The following THSD7B variants were observed in gnomAD, a reference collection of about 807,000 sequenced individuals.
The protein encoded by THSD7B is thrombospondin type 1 domain containing 7B.
In THSD7B, 138 loss-of-function variants were observed where a neutral mutation model predicts 213.6. The ratio of observed to expected loss-of-function variants is 0.65; its 90% CI spans 0.56 to 0.74. The LOEUF is 0.74. Among genes scored for constraint, THSD7B ranks in the 30% least tolerant of loss-of-function variants. The pLI, the probability that THSD7B is intolerant of heterozygous loss-of-function variation, is 0.00. For missense variants in THSD7B, 1,931 were observed against 1,991.5 expected (o/e 0.97, Z 0.58); for synonymous variants, 742 against 687.0 (o/e 1.08, Z -1.25).
In THSD7B at chr2:136,821,661, G is replaced by T. The variant is rs191694566; in HGVS notation, c.-36+55974G>T. Reference sequence around the variant, plus strand: ...GCCTGGTGCTGGAGTTAGAAGACCAGGAGCTCTGCAAAGTCTCCTTCCGCG... The same window carrying T: ...GCCTGGTGCTGGAGTTAGAAGACCATGAGCTCTGCAAAGTCTCCTTCCGCG... On this transcript the variant is annotated intron_variant, in intron 1 of 27. Transcript: ENST00000409968. Among the ~76,000 whole-genome samples the T allele has an allele frequency of 2.6e-5, 4 of 152,292 alleles. No homozygotes were observed. In the East Asian group the frequency reaches 7.7e-4, roughly 29 times the overall value.
intron 15 of THSD7B, among the ~76,000 whole-genome samples, chr2:137,503,849 A>C (rs1679770138): frequency 6.6e-6 from 1 of 151,822 alleles, no homozygotes; most frequent in African/African-American, 2.4e-5. Flanking sequence ...ACATGGTGAA[A>C]CCCCGTCTCT....
At chr2:137,176,948 AT>A (rs1416666288) in intron 7 of THSD7B, among the ~76,000 whole-genome samples, 2 of 152,160 alleles carry the variant, frequency 1.3e-5, no homozygotes, top group Admixed American at 6.5e-5. Flanking sequence ...ACAGAGTTTC[AT>A]TATGACACAG....
At chr2:137,626,765 A>C (rs1337300573) in intron 20 of THSD7B, among the ~76,000 whole-genome samples, 2 of 152,188 alleles carry the variant, frequency 1.3e-5, no homozygotes, top group East Asian at 1.9e-4. Flanking sequence ...CAGGTATGCT[A>C]TTCTTTTAAG....
intron 27 of THSD7B, among the ~76,000 whole-genome samples, chr2:137,670,246 C>T (rs1683533467): frequency 6.6e-6 from 1 of 152,168 alleles, no homozygotes; most frequent in African/African-American, 2.4e-5. Flanking sequence ...CTTTCTGAAG[C>T]TTAGCTCCAG....
intron 2 of THSD7B, among the ~76,000 whole-genome samples, chr2:136,979,052 CTTAGT>C (rs1384652949): frequency 2.0e-5 from 3 of 152,112 alleles, no homozygotes; most frequent in Admixed American, 1.3e-4. Context: ...ACTTATGAAG[CTTAGT>C]TTGGCCAGAT....
chr2:137,139,529 A>G (rs1177154163), intron 5 of THSD7B, among the ~76,000 whole-genome samples: 2 of 152,178 alleles, frequency 1.3e-5, no homozygotes, highest in Non-Finnish European at 2.9e-5. Context: ...GCCCAATCAA[A>G]GTAGGAACAT....
chr2:137,115,115 A>T lies in THSD7B; in HGVS notation c.1200-9A>T. The stretch of plus-strand genomic sequence containing the variant: ...CTTCTTCTTCTTTTAAATAAACCAA[A>T]CCAAACAGGTATTCCTGGAGAACTT... On this transcript the variant is annotated splice_polypyrimidine_tract_variant and intron_variant, in intron 4 of 27. Transcript: ENST00000409968. The T allele has an allele frequency of 6.2e-7, 1 of 1,613,886 alleles. No individual in the cohort carries two copies. Among genetic ancestry groups the T allele is most frequent in the Non-Finnish European group, 8.5e-7 (1 of 1,179,850 alleles).
chr2:136,906,838 AT>A (rs1684169580), intron 2 of THSD7B, among the ~76,000 whole-genome samples: 2 of 151,950 alleles, frequency 1.3e-5, no homozygotes, highest in African/African-American at 4.8e-5. Context: ...AGAAATAAAA[AT>A]AATGTGAAAA....
At chr2:137,167,903 AAT>A (rs1366977214) in intron 6 of THSD7B, among the ~76,000 whole-genome samples, 1 of 152,198 alleles carries the variant, frequency 6.6e-6, no homozygotes, top group African/African-American at 2.4e-5. Context: ...GCGAAAACAC[AAT>A]ATCCACAGGA....
intron 12 of THSD7B, among the ~76,000 whole-genome samples, chr2:137,317,058 C>G (rs891775954): frequency 6.6e-6 from 1 of 152,146 alleles, no homozygotes; most frequent in Non-Finnish European, 1.5e-5. Context: ...TTCTTATTCA[C>G]AGCATTAAAC....
chr2:136,924,205 C>T lies in THSD7B; in HGVS notation c.139+41888C>T, dbSNP rs1056667794. Among the ~76,000 whole-genome samples, 94 of 152,172 alleles carry T rather than the reference C, an allele frequency of 6.2e-4. 2 individuals carry two copies. Among genetic ancestry groups the T allele is most frequent in the Non-Finnish European group, 1.5e-4 (10 of 68,042 alleles). On this transcript the variant is annotated intron_variant, in intron 2 of 27. Transcript: ENST00000409968. ...CAAGCGATTTTCCTGCCTCAGCCTTCTGAGTAGCTGGGATTACAGGTGCCT... is the reference window on the plus strand; with the variant it reads ...CAAGCGATTTTCCTGCCTCAGCCTTTTGAGTAGCTGGGATTACAGGTGCCT...
intron 12 of THSD7B, among the ~76,000 whole-genome samples, chr2:137,317,945 A>G (rs918260365): frequency 3.3e-5 from 5 of 152,134 alleles, no homozygotes; most frequent in African/African-American, 7.2e-5. Flanking sequence ...AGGGGGGAAG[A>G]AAAAGGATCC....
chr2:137,215,643 ACTC>A (rs897614471), intron 7 of THSD7B, among the ~76,000 whole-genome samples: 9 of 151,892 alleles, frequency 5.9e-5, no homozygotes, highest in African/African-American at 2.2e-4. Context: ...GACCACTTGA[ACTC>A]CTCTTTAAAG....
chr2:137,464,634 C>G (rs926968536), intron 15 of THSD7B, among the ~76,000 whole-genome samples: 1 of 152,044 alleles, frequency 6.6e-6, no homozygotes, highest in Non-Finnish European at 1.5e-5. Flanking sequence ...CTGGAAGAAA[C>G]CCTTAGGCAT....
chr2:137,458,217 A>G (rs1379287259), intron 15 of THSD7B, among the ~76,000 whole-genome samples: 1 of 152,174 alleles, frequency 6.6e-6, no homozygotes, highest in Non-Finnish European at 1.5e-5. Context: ...TTTCTGCTAA[A>G]GTTTTTATTA....
chr2:137,025,149 G>T (rs888938935), intron 2 of THSD7B, among the ~76,000 whole-genome samples: 24 of 152,180 alleles, frequency 1.6e-4, no homozygotes, highest in Admixed American at 2.0e-4. Context: ...AAGCTGGGAA[G>T]ATCCAAATAA....
intron 2 of THSD7B, among the ~76,000 whole-genome samples, chr2:136,937,308 T>A (rs925175801): frequency 4.0e-5 from 6 of 151,894 alleles, no homozygotes; most frequent in South Asian, 4.1e-4. Flanking sequence ...TTCCCTCACC[T>A]CTTACTTGCT....
At chr2:137,361,258 A>T (rs959276193) in intron 12 of THSD7B, among the ~76,000 whole-genome samples, 3 of 152,176 alleles carry the variant, frequency 2.0e-5, no homozygotes, top group Non-Finnish European at 4.4e-5. Flanking sequence ...GGTAGATAAA[A>T]CCACAAAGAT....
intron 15 of THSD7B, among the ~76,000 whole-genome samples, chr2:137,558,228 C>T (rs1166231371): frequency 1.3e-5 from 2 of 152,154 alleles, no homozygotes; most frequent in Non-Finnish European, 2.9e-5. Context: ...CCAGCATCAT[C>T]CTGATACCAA....
Sources: allele counts gnomAD v4.1 joint callset (sites outside exome capture counted in the v4.1 genomes callset), GRCh38; gene constraint gnomAD v4.1.1; transcripts MANE v1.5; gene names NCBI Gene and HGNC (gene_info 2026-07-23, HGNC 2026-07-21).